The following BPTF variants were observed in gnomAD, a reference collection of about 807,000 sequenced individuals.
The protein encoded by BPTF is bromodomain PHD finger transcription factor.
Under a neutral mutation model 292.5 loss-of-function variants are expected in BPTF, and 18 were observed. The ratio of observed to expected loss-of-function variants is 0.06; its 90% confidence interval spans 0.04 to 0.09. BPTF has a LOEUF of 0.09. BPTF is among the 10% of genes least tolerant of loss of function. The pLI is 1.00. For missense variants in BPTF, 2,726 were observed against 3,498.7 expected, an observed-to-expected ratio of 0.78 and a Z score of 5.57; for synonymous variants, 1,225 against 1,251.9, an observed-to-expected ratio of 0.98 and a Z score of 0.45.
At chr17:67,838,186 A>G (rs1183163211) in intron 1 of BPTF, among the ~76,000 whole-genome samples, 2 of 152,254 alleles carry the variant, frequency 1.3e-5, no homozygotes, top group Non-Finnish European at 2.9e-5. Flanking sequence ...ACAAATGAGC[A>G]TGGCTGCTTT....
intron 18 of BPTF, among the ~76,000 whole-genome samples, chr17:67,935,019 A>G (rs1057173128): frequency 5.3e-5 from 8 of 152,198 alleles, no homozygotes; most frequent in African/African-American, 7.2e-5. Flanking sequence ...AGTTTATTCA[A>G]TACATATTTG....
chr17:67,854,373 A>G lies in BPTF; in HGVS notation c.1047A>G (p.Ala349=). The G allele has an allele frequency of 6.2e-7, 1 of 1,614,250 alleles. No individual in the cohort carries two copies. Residue 349 remains alanine, a synonymous_variant, in exon 2 of 28, where the codon GCA becomes GCG. Transcript: ENST00000306378. This position sits in a 1 kb window ranked among gnomAD's most constrained non-coding sequence, Gnocchi z 5.6. ...EYHHVLPYQE[A]EDYPYGPVEN... ...ATCACGTTCTTCCTTACCAAGAGGC[A>G]GAGGACTACCCATATGGACCAGTAG...
At chr17:67,925,517 A>G (rs1041234685) in intron 15 of BPTF, among the ~76,000 whole-genome samples, 5 of 152,122 alleles carry the variant, frequency 3.3e-5, no homozygotes, top group African/African-American at 9.7e-5. Context: ...AAAAAAGCAA[A>G]ATTTTAAAAA....
chr17:67,921,136 G>C (rs2063402389), intron 13 of BPTF, among the ~76,000 whole-genome samples: 1 of 150,498 alleles, frequency 6.6e-6, no homozygotes, highest in Admixed American at 6.7e-5. Context: ...CTTGAGCCTG[G>C]GAAGTGGAGG....
At position 67,948,174 on chromosome 17, in the gene BPTF, T is replaced by C. The variant is rs138188947; in HGVS notation, c.7794T>C (p.Ser2598=). The C allele has an allele frequency of 3.7e-6, 6 of 1,613,098 alleles. No homozygotes were observed. The African/African-American group carries it at 5.4e-5, about 14-fold the overall frequency. ...CAAAAAAACGGAAGCGTGAAGAGAG[T>C]GTGGAGCAGAAACGTAGCAAGCAGA... The part of the protein sequence containing the change: ...QAAKKRKREE[S]VEQKRSKQNA... Residue 2598 remains serine (S), a synonymous_variant, in exon 23 of 28, where the codon AGT becomes AGC. Transcript: ENST00000306378.
At chr17:67,977,893 T>C (rs1470616823) in intron 27 of BPTF, 4 of 150,152 alleles carry the variant, frequency 2.7e-5, no homozygotes, top group South Asian at 2.2e-4. Context: ...TCACTCTTGT[T>C]GCCCAGGCTG....
intron 27 of BPTF, among the ~76,000 whole-genome samples, chr17:67,979,169 CAAAA>C (rs11376410): frequency 1.4e-5 from 1 of 72,564 alleles, no homozygotes; most frequent in African/African-American, 8.0e-5. Context: ...GACCCTGTCT[CAAAA>C]AAAAAAAAAA....
intron 4 of BPTF, among the ~76,000 whole-genome samples, chr17:67,885,905 C>T (rs1046303279): frequency 6.6e-6 from 1 of 151,936 alleles, no homozygotes; most frequent in Non-Finnish European, 1.5e-5. Flanking sequence ...AGAGTTGGGT[C>T]CTCACCCCCC....
At chr17:67,959,282 G>C (rs1307429646) in intron 23 of BPTF, among the ~76,000 whole-genome samples, 1 of 152,222 alleles carries the variant, frequency 6.6e-6, no homozygotes, top group East Asian at 1.9e-4. Flanking sequence ...CTAGCCACTT[G>C]GCTCATCTTT....
At chr17:67,859,300 C>A (rs1413253116) in intron 2 of BPTF, among the ~76,000 whole-genome samples, 1 of 152,120 alleles carries the variant, frequency 6.6e-6, no homozygotes, top group East Asian at 1.9e-4. Context: ...CATGTGCCAC[C>A]GTGCCCAGCT....
intron 25 of BPTF, among the ~76,000 whole-genome samples, 179 bp downstream of exon 25, chr17:67,964,583 C>G (rs1183730643): frequency 3.3e-5 from 5 of 152,172 alleles, no homozygotes; most frequent in African/African-American, 1.2e-4. Context: ...TTTACCATAT[C>G]CCCACACCAC....
Position 67,927,396 on chromosome 17 carries a change from C to G in BPTF, c.5752-959C>G, listed in dbSNP as rs142541600. Among the ~76,000 whole-genome samples, 43 of 152,140 alleles carry G rather than the reference C, an allele frequency of 2.8e-4. No homozygotes were observed. The East Asian group carries it at 5.2e-3, about 18-fold the overall frequency. On this transcript the variant is annotated intron_variant, in intron 15 of 27. Coordinates refer to ENST00000306378, the MANE Select transcript of BPTF (RefSeq NM_182641.4). ...AAAGATATACAGAATATCTTTAATACCTGTAGTTTTAAAGATTGTATTATA... is the reference window on the plus strand; with the variant it reads ...AAAGATATACAGAATATCTTTAATAGCTGTAGTTTTAAAGATTGTATTATA...
Position 67,983,027 on chromosome 17 carries a change from G to C in BPTF, c.*739G>C, listed in dbSNP as rs1402910038. The C allele has an allele frequency of 1.3e-5, 2 of 152,262 alleles. No individual in the cohort carries two copies. Among genetic ancestry groups the C allele is most frequent in the Admixed American group, 6.6e-5 (1 of 15,260 alleles). 9.4% of individuals were successfully genotyped at this position (152,262 alleles called of 1,614,324 possible). A position where few individuals can be genotyped will look rare whatever the true frequency, so the allele number is the denominator to read the frequency against. ...CAATTACTCTGCACCAGGCTAAAATGAGTAAAATCTATTTGAAGGTATCTT... is the reference window on the plus strand; with the variant it reads ...CAATTACTCTGCACCAGGCTAAAATCAGTAAAATCTATTTGAAGGTATCTT... On this transcript the variant is annotated 3_prime_UTR_variant, in exon 28 of 28. Transcript: ENST00000306378.
chr17:67,950,209 C>T (rs1598862108), intron 23 of BPTF, among the ~76,000 whole-genome samples: 2 of 151,742 alleles, frequency 1.3e-5, no homozygotes, highest in Non-Finnish European at 2.9e-5. Context: ...TGCAGTGATG[C>T]GAAATCATGC....
intron 25 of BPTF, 37 bp downstream of exon 25, chr17:67,964,441 TCAGC>T (rs1555685784): frequency 6.4e-7 from 1 of 1,554,708 alleles, no homozygotes; most frequent in East Asian, 2.3e-5. Flanking sequence ...CAAAATGAAA[TCAGC>T]CAGCATAATT....
chr17:67,897,374 A>G (rs1438136074), intron 7 of BPTF, among the ~76,000 whole-genome samples: 2 of 146,272 alleles, frequency 1.4e-5, no homozygotes, highest in East Asian at 2.0e-4. Context: ...AAAAAAAAGT[A>G]AAGAAAGAGA....
chr17:67,956,662 T>TAAAAAAAAAAAAA (rs76958906), intron 23 of BPTF: 1 of 108,070 alleles, frequency 9.3e-6, no homozygotes. Flanking sequence ...CAGTTCTACT[T>TAAAAAAAAAAAAA]AAAAAAAAAA....
At chr17:67,895,320 A>G (rs1417035014) in intron 7 of BPTF, among the ~76,000 whole-genome samples, 7 of 137,034 alleles carry the variant, frequency 5.1e-5, no homozygotes, top group African/African-American at 1.7e-4. Flanking sequence ...GTGACAGAGC[A>G]AGACTTCATC....
At chr17:67,829,089 CTAAT>C (rs1253982164) in intron 1 of BPTF, among the ~76,000 whole-genome samples, 2 of 149,064 alleles carry the variant, frequency 1.3e-5, no homozygotes, top group Non-Finnish European at 3.0e-5. Flanking sequence ...AAAAATTGGT[CTAAT>C]TGTTTTTTGT....
Sources: allele counts gnomAD v4.1 joint callset (sites outside exome capture counted in the v4.1 genomes callset), GRCh38; gene constraint gnomAD v4.1.1; non-coding constraint Gnocchi (gnomAD v3.1); transcripts MANE v1.5; gene names NCBI Gene and HGNC (gene_info 2026-07-23, HGNC 2026-07-21).